The following TRPC7 variants were observed in gnomAD, a reference collection of about 807,000 sequenced individuals.
TRPC7 encodes the protein short transient receptor potential channel 7.
In TRPC7, 42 loss-of-function variants were observed where a neutral mutation model predicts 90.1. That is an observed-to-expected ratio of 0.47 (90% CI 0.36 to 0.60). The LOEUF (loss-of-function observed/expected upper bound fraction) is 0.60. Among genes scored for constraint, TRPC7 ranks in the 20% least tolerant of loss-of-function variants. The pLI is 0.00. For synonymous variants in TRPC7, 451 were observed against 436.3 expected (o/e 1.03, Z -0.42); for missense variants, 955 against 1,112.3 (o/e 0.86, Z 2.01).
intron 3 of TRPC7, among the ~76,000 whole-genome samples, chr5:136,297,329 C>T (rs936834456): frequency 6.6e-6 from 1 of 152,104 alleles, no homozygotes; most frequent in African/African-American, 2.4e-5. Context: ...ACAGGATGAT[C>T]CCCTCCTTCT....
chr5:136,221,113 CTGTGTGTGTG>C (rs34373112), intron 10 of TRPC7, among the ~76,000 whole-genome samples: 2 of 148,686 alleles, frequency 1.3e-5, no homozygotes, highest in Non-Finnish European at 3.0e-5. Flanking sequence ...GTGTATGTGT[CTGTGTGTGTG>C]TGTGTGTGTG....
At chr5:136,251,522 C>T (rs1361780915) in intron 6 of TRPC7, 127 bp downstream of exon 6, 21 of 756,818 alleles carry the variant, frequency 2.8e-5, no homozygotes, top group Non-Finnish European at 3.9e-5. Flanking sequence ...CTGCCAAAGT[C>T]GGCTGTGTTA....
At chr5:136,302,628 A>G (rs1380460967) in intron 3 of TRPC7, among the ~76,000 whole-genome samples, 1 of 151,518 alleles carries the variant, frequency 6.6e-6, no homozygotes, top group African/African-American at 2.4e-5. Flanking sequence ...AACCTCTTCA[A>G]CTCTCACCTG....
chr5:136,284,656 C>G (rs1348199882), intron 3 of TRPC7, among the ~76,000 whole-genome samples: 1 of 152,160 alleles, frequency 6.6e-6, no homozygotes, highest in African/African-American at 2.4e-5. Context: ...CGACAGTGCC[C>G]TAACAGGAGT....
intron 3 of TRPC7, among the ~76,000 whole-genome samples, chr5:136,299,371 G>T (rs971412489): frequency 6.0e-5 from 9 of 151,230 alleles, no homozygotes; most frequent in African/African-American, 2.2e-4. Context: ...GTGTGTGTGT[G>T]TGTGTGTGGT....
chr5:136,325,754 G>A (rs1487249149), intron 2 of TRPC7, among the ~76,000 whole-genome samples: 2 of 151,856 alleles, frequency 1.3e-5, no homozygotes, highest in African/African-American at 4.8e-5. Flanking sequence ...AGGTCTGGGG[G>A]CAGGGAATCT....
intron 7 of TRPC7, among the ~76,000 whole-genome samples, chr5:136,242,833 A>T (rs965962137): frequency 9.2e-5 from 14 of 152,278 alleles, no homozygotes; most frequent in Middle Eastern, 3.4e-3. Context: ...TCCCACGTTT[A>T]GCCACCTCCC....
intron 3 of TRPC7, among the ~76,000 whole-genome samples, chr5:136,277,892 C>T (rs1243567008): frequency 6.6e-6 from 1 of 152,218 alleles, no homozygotes; most frequent in South Asian, 2.1e-4. Flanking sequence ...ACTGATGTGA[C>T]TGCCTAGATT....
intron 3 of TRPC7, among the ~76,000 whole-genome samples, chr5:136,310,081 C>T (rs1488594581): frequency 6.6e-6 from 1 of 152,164 alleles, no homozygotes; most frequent in Non-Finnish European, 1.5e-5. Context: ...TCCTTACAGA[C>T]TCAGTCACAC....
Position 136,216,137 on chromosome 5 carries a change from A to C in TRPC7, c.2419+63T>G. The C allele has an allele frequency of 2.2e-6, 3 of 1,382,312 alleles. No individual in the cohort carries two copies. In the East Asian group the frequency reaches 7.1e-5, roughly 33 times the overall value. The allele number at this position is 1,382,312 out of a possible 1,614,324, so 85.6% of individuals were successfully genotyped here. On this transcript the variant is annotated intron_variant, in intron 11 of 11. Transcript: ENST00000513104. ...CCTGACAACACTGTGGCCGTAGCCC[A>C]GTGAGACCCACAGAACCTGTGTTGT...
intron 2 of TRPC7, among the ~76,000 whole-genome samples, chr5:136,346,406 G>A (rs2149855354): frequency 6.6e-6 from 1 of 152,016 alleles, no homozygotes; most frequent in South Asian, 2.1e-4. Context: ...TACTTGAGAG[G>A]GCACTGTCCC....
At chr5:136,252,592 C>A (rs1756558068) in intron 5 of TRPC7, among the ~76,000 whole-genome samples, 1 of 121,402 alleles carries the variant, frequency 8.2e-6, no homozygotes, top group Admixed American at 1.2e-4. Context: ...GGACCAGTTT[C>A]ATGGAAGACA....
chr5:136,280,577 C>T (rs1757517925), intron 3 of TRPC7, among the ~76,000 whole-genome samples: 1 of 152,158 alleles, frequency 6.6e-6, no homozygotes, highest in African/African-American at 2.4e-5. Flanking sequence ...AGTGTCTTCA[C>T]ATCTTTACTA....
intron 7 of TRPC7, among the ~76,000 whole-genome samples, chr5:136,242,271 G>T (rs945974061): frequency 8.5e-5 from 13 of 152,136 alleles, no homozygotes; most frequent in African/African-American, 3.1e-4. Context: ...TTCCTCACCT[G>T]TGGTCATTTT....
At chr5:136,290,488 A>T (rs1757902421) in intron 3 of TRPC7, among the ~76,000 whole-genome samples, 1 of 152,268 alleles carries the variant, frequency 6.6e-6, no homozygotes, top group Non-Finnish European at 1.5e-5. Context: ...GAACTATGTG[A>T]CAAATGCGCA....
chr5:136,319,463 T>C (rs1232276314), intron 2 of TRPC7, among the ~76,000 whole-genome samples: 4 of 151,856 alleles, frequency 2.6e-5, no homozygotes, highest in Non-Finnish European at 4.4e-5. Context: ...TTGTTTCTCT[T>C]GTTTTAAAAA....
rs578181219 is a variant in TRPC7, at chr5:136,265,842, G to A, written c.1345+378C>T. ...TAGTGATAACAGAAATATCTTTCAA[G>A]CTATGAAATTTTGTGCCCTTTTTTA... On this transcript the variant is annotated intron_variant, in intron 5 of 11. Transcript: ENST00000513104. 2.2e-4 allele frequency among the ~76,000 whole-genome samples: 34 copies of A among 152,212 alleles called. 1 individual carries two copies. The highest frequency in any genetic ancestry group is 3.4e-3 in the Middle Eastern group (1 of 294).
intron 3 of TRPC7, among the ~76,000 whole-genome samples, chr5:136,295,555 C>T (rs1228994806): frequency 6.6e-6 from 1 of 152,156 alleles, no homozygotes; most frequent in Admixed American, 6.5e-5. Flanking sequence ...CCAGTCCCCT[C>T]CCCGTCCACT....
intron 2 of TRPC7, among the ~76,000 whole-genome samples, chr5:136,335,139 A>G (rs934978609): frequency 6.6e-6 from 1 of 152,176 alleles, no homozygotes; most frequent in African/African-American, 2.4e-5. Context: ...GAGGCTTGAC[A>G]TGATTCCATT....
Sources: allele counts gnomAD v4.1 joint callset (sites outside exome capture counted in the v4.1 genomes callset), GRCh38; gene constraint gnomAD v4.1.1; transcripts MANE v1.5; gene names NCBI Gene and HGNC (gene_info 2026-07-23, HGNC 2026-07-21).